Variants in CLEC2A observed in about 807,000 individuals in gnomAD.
CLEC2A encodes keratinocyte-associated C-type lectin.
In CLEC2A, 19 loss-of-function variants were observed where a neutral mutation model predicts 18.6. The ratio of observed to expected loss-of-function variants is 1.02; its 90% CI spans 0.71 to 1.50. The LOEUF (loss-of-function observed/expected upper bound fraction) is 1.50, where lower values mean the gene tolerates loss of function less well. CLEC2A is among the 40% of genes most tolerant of loss of function. CLEC2A has a pLI of 0.00. For missense variants in CLEC2A, 190 were observed against 207.9 expected (o/e 0.91, Z 0.53); for synonymous variants, 74 against 64.0 (o/e 1.16, Z -0.75).
the CLEC2A span, chr12:9,888,688 T>C: frequency 8.9e-7 from 1 of 1,126,522 alleles, no homozygotes; most frequent in Middle Eastern, 1.9e-4. Flanking sequence ...AGATTGCTAT[T>C]GATTTTTAAA....
At chr12:9,888,735 A>G in the CLEC2A span, 5 of 1,487,020 alleles carry the variant, frequency 3.4e-6, no homozygotes, top group South Asian at 6.0e-5. Flanking sequence ...GAGTACAGAT[A>G]AAAAAATGGA....
chr12:9,909,233 G>T (rs2137025929), downstream of CLEC2A, among the ~76,000 whole-genome samples: 1 of 152,198 alleles, frequency 6.6e-6, no homozygotes, highest in Non-Finnish European at 1.5e-5. Flanking sequence ...CTGAGTCCAG[G>T]GTACTTATTC....
downstream of CLEC2A, among the ~76,000 whole-genome samples, chr12:9,894,171 GTTTC>G (rs200285327): frequency 2.0e-4 from 16 of 78,656 alleles, no homozygotes; most frequent in South Asian, 3.7e-4. Flanking sequence ...TTCCTTCTTT[GTTTC>G]TTTCTTTCTT....
chr12:9,878,428 T>C, the CLEC2A span, among the ~76,000 whole-genome samples: 1 of 152,118 alleles, frequency 6.6e-6, no homozygotes, highest in Non-Finnish European at 1.5e-5. Context: ...CACACGGAGT[T>C]TGAGCCAAGA....
At chr12:9,893,041 A>G in the CLEC2A span, 1 of 1,535,690 alleles carries the variant, frequency 6.5e-7, no homozygotes, top group Admixed American at 2.0e-5. Flanking sequence ...TTGTGCCCAA[A>G]TGACTGGCTG....
the CLEC2A span, among the ~76,000 whole-genome samples, chr12:9,888,547 G>C: frequency 6.6e-6 from 1 of 151,822 alleles, no homozygotes; most frequent in African/African-American, 2.4e-5. Context: ...GCACTTAAAG[G>C]AGTAAAAACA....
chr12:9,921,856 G>C (rs1863177885), intron 3 of CLEC2A, among the ~76,000 whole-genome samples: 1 of 152,100 alleles, frequency 6.6e-6, no homozygotes, highest in Non-Finnish European at 1.5e-5. Flanking sequence ...TTTTCATATT[G>C]AGTAGGCTGA....
chr12:9,889,030 G>A, the CLEC2A span, among the ~76,000 whole-genome samples: 1 of 152,136 alleles, frequency 6.6e-6, no homozygotes, highest in Non-Finnish European at 1.5e-5. Flanking sequence ...GGATGATAGT[G>A]GATTTCCTGC....
chr12:9,908,903 T>C (rs1015999571), downstream of CLEC2A, among the ~76,000 whole-genome samples: 1 of 152,206 alleles, frequency 6.6e-6, no homozygotes, highest in East Asian at 1.9e-4. Context: ...AATGTATTGA[T>C]TTGGAGCCCC....
chr12:9,921,276 G>T (rs1411292463), intron 3 of CLEC2A, among the ~76,000 whole-genome samples: 1 of 152,152 alleles, frequency 6.6e-6, no homozygotes, highest in Non-Finnish European at 1.5e-5. Context: ...TCAAAAGTCT[G>T]TATATAACTT....
In CLEC2A at chr12:9,916,744, T is replaced by A; in HGVS notation, c.366A>T (p.Gln122His). 6.4e-7 allele frequency: 1 copy of A among 1,551,376 alleles called. No individual in the cohort carries two copies. The highest frequency in any genetic ancestry group is 8.7e-7 in the Non-Finnish European group (1 of 1,146,614). The change falls in exon 4 of 5, where the codon CAA (glutamine) becomes CAT (histidine). Residue 122 changes from glutamine (Q) to histidine (H), a missense_variant. By Grantham distance (24) the Gln-to-His change is conservative. Coordinates refer to ENST00000455827, the MANE Select transcript of CLEC2A (RefSeq NM_001130711.2). Reference sequence around the variant, plus strand: ...CATTTGTCCATTTCCAAGAATCTCCTTGTTTCCTGCTTAGTCCAATCCAGT... The same window carrying A: ...CATTTGTCCATTTCCAAGAATCTCCATGTTTCCTGCTTAGTCCAATCCAGT... The part of the protein sequence containing the change: ...DMHWIGLSRK[Q>H]GDSWKWTNGT...
chr12:9,911,437 A>T (rs980645439), downstream of CLEC2A, among the ~76,000 whole-genome samples: 14 of 152,210 alleles, frequency 9.2e-5, no homozygotes, highest in Admixed American at 3.3e-4. Context: ...TTAGTTCCAT[A>T]TGTTGCCAGA....
At chr12:9,928,499 A>G (rs1481034397) in intron 1 of CLEC2A, among the ~76,000 whole-genome samples, 1 of 151,996 alleles carries the variant, frequency 6.6e-6, no homozygotes, top group African/African-American at 2.4e-5. Flanking sequence ...GAAGAAGGAA[A>G]GAAAGAAAGA....
chr12:9,917,510 C>A lies in CLEC2A; in HGVS notation c.307-707G>T, dbSNP rs141067963. Reference sequence around the variant, plus strand: ...TTAACTAATTAAAAGTGAGTCTTACCCAATCCAAATATACATGTCAGTACT... The same window carrying A: ...TTAACTAATTAAAAGTGAGTCTTACACAATCCAAATATACATGTCAGTACT... On this transcript the variant is annotated intron_variant, in intron 3 of 4. Transcript: ENST00000455827. Among the ~76,000 whole-genome samples the A allele has an allele frequency of 1.9e-4, 29 of 152,182 alleles. No homozygotes were observed. The East Asian group carries it at 3.7e-3, about 19-fold the overall frequency.
chr12:9,926,178 G>A, intron 2 of CLEC2A, 82 bp downstream of exon 2: 2 of 816,080 alleles, frequency 2.5e-6, no homozygotes, highest in South Asian at 1.7e-5. Flanking sequence ...CTAGATGTGG[G>A]AGATTTGGAG....
At chr12:9,886,472 A>G in the CLEC2A span, among the ~76,000 whole-genome samples, 20 of 152,170 alleles carry the variant, frequency 1.3e-4, no homozygotes, top group Admixed American at 7.9e-4. Context: ...CCTTAGTTCA[A>G]ATAAAGCATA....
At chr12:9,913,223 G>T, downstream of CLEC2A, 1 of 288,104 alleles carries the variant, frequency 3.5e-6, no homozygotes, top group Non-Finnish European at 5.4e-6. Context: ...ATTATTTGTA[G>T]ATGCTATGTT....
chr12:9,918,075 T>C (rs2137039909), intron 3 of CLEC2A, among the ~76,000 whole-genome samples: 1 of 152,348 alleles, frequency 6.6e-6, no homozygotes, highest in East Asian at 1.9e-4. Flanking sequence ...ATAGTTTCTT[T>C]TGCTGTGCAG....
In CLEC2A at chr12:9,913,407, T is replaced by C. The variant is rs1474008666; in HGVS notation, c.*159A>G. Reference sequence around the variant, plus strand: ...GAGAACGGCCTTGTCTCTTTAACCATGGCAGGGCACAGCAAGAAGTTTCCA... The same window carrying C: ...GAGAACGGCCTTGTCTCTTTAACCACGGCAGGGCACAGCAAGAAGTTTCCA... On this transcript the variant is annotated 3_prime_UTR_variant, in exon 5 of 5. Transcript: ENST00000455827. The C allele has an allele frequency of 7.7e-7, 1 of 1,298,490 alleles. No homozygotes were observed. Among genetic ancestry groups the C allele is most frequent in the Non-Finnish European group, 1.0e-6 (1 of 985,522 alleles). The allele number at this position is 1,298,490 out of a possible 1,614,324, so 80.4% of individuals were successfully genotyped here. A position where few individuals can be genotyped will look rare whatever the true frequency, so the allele number is the denominator to read the frequency against.
Sources: gnomAD v4.1 joint callset for allele counts (sites outside exome capture counted in the v4.1 genomes callset) on GRCh38, gnomAD v4.1.1 for gene constraint, MANE v1.5 for transcripts, NCBI Gene and HGNC (gene_info 2026-07-23, HGNC 2026-07-21) for gene names.